COPB2: variants seen among roughly 807,000 people sequenced by gnomAD.
COPB2 encodes coat protein complex I subunit beta 2.
In COPB2, 16 loss-of-function variants were observed where a neutral mutation model predicts 120.8. That is an observed-to-expected ratio of 0.13 (90% CI 0.09 to 0.20). The LOEUF (loss-of-function observed/expected upper bound fraction) is 0.20. COPB2 is among the 10% of genes least tolerant of loss of function. The pLI, the probability that COPB2 is intolerant of heterozygous loss-of-function variation, is 1.00. For synonymous variants in COPB2, 332 were observed against 366.3 expected, an observed-to-expected ratio of 0.91 and a Z score of 1.07; for missense variants, 794 against 1,076.5, an observed-to-expected ratio of 0.74 and a Z score of 3.67.
Position 139,369,372 on chromosome 3 carries a change from A to T in COPB2, c.1295-5T>A, listed in dbSNP as rs1941581240. The T allele has an allele frequency of 6.2e-7, 1 of 1,611,556 alleles. No homozygotes were observed. Among genetic ancestry groups the T allele is most frequent in the Non-Finnish European group, 8.5e-7 (1 of 1,179,130 alleles). The stretch of plus-strand genomic sequence containing the variant: ...ATAAGAAGCCGCCGTAGATACCTAA[A>T]GGGAACATAAAAAGAGTTTTGCTTA... On this transcript the variant is annotated splice_region_variant and splice_polypyrimidine_tract_variant and intron_variant, in intron 11 of 21. Transcript: ENST00000333188.
chr3:139,383,600 CA>C lies in COPB2; in HGVS notation c.4-166del, dbSNP rs571280238. Among the ~76,000 whole-genome samples, 695 of 152,116 alleles carry C rather than the reference CA, an allele frequency of 4.6e-3. 5 individuals carry two copies. The highest frequency in any genetic ancestry group is 7.7e-3 in the Non-Finnish European group (526 of 67,964). On this transcript the variant is annotated intron_variant, in intron 1 of 21. Transcript: ENST00000333188. ...AGCACTTATTTCTTCATTTACACAT[CA>C]AAAAAATCAGAATATTCAACATTTT...
chr3:139,388,154 A>G (rs1941959692), intron 1 of COPB2: 1 of 152,212 alleles, frequency 6.6e-6, no homozygotes, highest in Non-Finnish European at 1.5e-5. Context: ...AAAAACGTCC[A>G]TTACTGCAAC....
At chr3:139,366,258 T>TTA (rs1553776880) in intron 15 of COPB2, among the ~76,000 whole-genome samples, 1 of 150,610 alleles carries the variant, frequency 6.6e-6, no homozygotes, top group East Asian at 1.9e-4. Context: ...CATTTTTTTT[T>TTA]AAAAAGCAGA....
intron 17 of COPB2, among the ~76,000 whole-genome samples, chr3:139,360,234 T>C (rs1941387090): frequency 6.7e-6 from 1 of 149,536 alleles, no homozygotes; most frequent in South Asian, 2.1e-4. Context: ...GGTTAAAGAA[T>C]ACTTTCGGGC....
chr3:139,389,405 A>G (rs997130768), intron 1 of COPB2, 143 bp downstream of exon 1: 1 of 1,181,352 alleles, frequency 8.5e-7, no homozygotes. Context: ...TCCTGGAATC[A>G]AACGACCAAG....
chr3:139,361,910 T>C (rs1941426303), intron 16 of COPB2, among the ~76,000 whole-genome samples: 1 of 152,236 alleles, frequency 6.6e-6, no homozygotes, highest in South Asian at 2.1e-4. Context: ...AGCTCAAACA[T>C]TTAGACCAGA....
intron 4 of COPB2, among the ~76,000 whole-genome samples, chr3:139,378,441 T>G (rs1181102471): frequency 6.6e-6 from 1 of 152,034 alleles, no homozygotes; most frequent in Non-Finnish European, 1.5e-5. Flanking sequence ...GTGAAAAAAC[T>G]TAAAAATTCA....
Position 139,361,116 on chromosome 3 carries a change from A to G in COPB2, c.2175T>C (p.Asn725=). The G allele has an allele frequency of 6.2e-7, 1 of 1,614,194 alleles. No homozygotes were observed. The highest frequency in any genetic ancestry group is 8.5e-7 in the Non-Finnish European group (1 of 1,180,046). Residue 725 remains asparagine (N), a synonymous_variant, in exon 17 of 22, where the codon AAT becomes AAC. Coordinates refer to ENST00000333188, the MANE Select transcript of COPB2 (RefSeq NM_004766.3). ...LAEGAERDGK[N]NVAFMSYFLQ... is the part of the protein sequence containing the mutation. ...AAAAGTAGCTCATGAATGCCACATT[A>G]TTTTTGCCATCTCTCTCCGCACCCT...
Position 139,379,808 on chromosome 3 carries a change from A to G in COPB2, c.142-342T>C, listed in dbSNP as rs886964160. 2.1e-5 allele frequency: 5 copies of G among 242,596 alleles called. No individual in the cohort carries two copies. The South Asian group carries it at 3.1e-4, about 15-fold the overall frequency. The allele number at this position is 242,596 out of a possible 1,614,324, so 15.0% of individuals were successfully genotyped here. ...TTGTCTCTGACTTGAAAATCCACCC[A>G]TGGAAACTTGTACTTCCCTTTCATA... On this transcript the variant is annotated intron_variant, in intron 2 of 21. Coordinates refer to ENST00000333188, the MANE Select transcript of COPB2 (RefSeq NM_004766.3).
intron 5 of COPB2, among the ~76,000 whole-genome samples, chr3:139,376,663 A>T (rs545197254): frequency 6.6e-6 from 1 of 152,252 alleles, no homozygotes; most frequent in Non-Finnish European, 1.5e-5. Context: ...AACTACTAAC[A>T]GTGTTTTATA....
Position 139,361,267 on chromosome 3 carries a change from T to C in COPB2, c.2024A>G (p.Glu675Gly), listed in dbSNP as rs1941413831. The C allele has an allele frequency of 6.2e-7, 1 of 1,614,230 alleles. No homozygotes were observed. The highest frequency in any genetic ancestry group is 2.2e-5 in the East Asian group (1 of 44,884). ...ESEQKWKQLA[E>G]LAISKCQFGL... is the part of the protein sequence containing the mutation. ...AAACTGACATTTACTAATGGCAAGT[T>C]CAGCAAGTTGTTTCCACTTCTGTTC... The change falls in exon 17 of 22, where the codon GAA becomes GGA. Residue 675 changes from glutamate to glycine, a missense_variant. Physicochemically the swap from Glu to Gly is moderately conservative, Grantham distance 98. Coordinates refer to ENST00000333188, the MANE Select transcript of COPB2 (RefSeq NM_004766.3).
chr3:139,389,401 A>T, intron 1 of COPB2, 147 bp downstream of exon 1: 13 of 1,146,376 alleles, frequency 1.1e-5, no homozygotes, highest in Non-Finnish European at 1.4e-5. Context: ...CCCTTCCTGG[A>T]ATCAAACGAC....
At chr3:139,380,865 A>T (rs1941797943) in intron 2 of COPB2, 1 of 152,246 alleles carries the variant, frequency 6.6e-6, no homozygotes, top group African/African-American at 2.4e-5. Flanking sequence ...AAAAATCCAC[A>T]AAAGCTCATG....
intron 15 of COPB2, among the ~76,000 whole-genome samples, chr3:139,366,114 A>G (rs9864740): frequency 0.89 from 136,001 of 152,192 alleles, 61,543 homozygotes; most frequent in East Asian, 0.97. Context: ...TAGGGAGTAG[A>G]AAGCAAAAAG....
rs200837686 is a variant in COPB2 at position 139,379,012 on chromosome 3, A to G, written c.355+35T>C. On this transcript the variant is annotated intron_variant, in intron 4 of 21. Transcript: ENST00000333188. ...CAGTGAATGAAAATGAATTACCCAA[A>G]GAGACGCACATGACCAAAAAAGGTC... 1.9e-6 allele frequency: 3 copies of G among 1,540,928 alleles called. No homozygotes were observed. In the African/African-American group the frequency reaches 4.2e-5, roughly 21 times the overall value.
chr3:139,371,802 T>C lies in COPB2; in HGVS notation c.1126A>G (p.Ile376Val), dbSNP rs1263754828. The C allele has an allele frequency of 6.2e-7, 1 of 1,613,760 alleles. No homozygotes were observed. Among genetic ancestry groups the C allele is most frequent in the Non-Finnish European group, 8.5e-7 (1 of 1,179,844 alleles). The stretch of plus-strand genomic sequence containing the variant: ...CTCAATGCCATTGCTGTGTAGATGA[T>C]ATACTCCCCATCACCACACACCACC... ...FVVVCGDGEY[I>V]IYTAMALRNK... Residue 376 changes from isoleucine to valine, a missense_variant, in exon 10 of 22, where the codon ATC becomes GTC. By Grantham distance (29) the Ile-to-Val change is conservative (BLOSUM62 3). Transcript: ENST00000333188.
At chr3:139,366,876 G>T in intron 14 of COPB2, 101 bp from the exon 15 acceptor site, 1 of 1,478,920 alleles carries the variant, frequency 6.8e-7, no homozygotes, top group Non-Finnish European at 9.3e-7. Context: ...CCATTTGATT[G>T]ACACAATTCT....
Position 139,383,345 on chromosome 3 carries a change from C to A in COPB2, c.94G>T (p.Ala32Ser). The change falls in exon 2 of 22, where the codon GCA becomes TCA. Residue 32 changes from alanine (A) to serine (S), a missense_variant. Around this residue, in one of 3 missense-constraint regions of COPB2, gnomAD observed 610 missense variants for 866.7 expected, o/e 0.70. Coordinates refer to ENST00000333188, the MANE Select transcript of COPB2 (RefSeq NM_004766.3). The stretch of plus-strand genomic sequence containing the variant: ...CACACACTGCCATTGTAAAGACTTG[C>A]CAACATCCATGGCTCTGTAGGATGC... The part of the protein sequence containing the change: ...DLHPTEPWML[A>S]SLYNGSVCVW... The A allele has an allele frequency of 2.5e-6, 4 of 1,613,846 alleles. No homozygotes were observed. The highest frequency in any genetic ancestry group is 2.2e-5 in the South Asian group (2 of 91,068).
At position 139,362,450 on chromosome 3, in the gene COPB2, A is replaced by T; in HGVS notation, c.1952T>A (p.Leu651His). ...PEHRFELALQ[L>H]GELKIAYQLA... ...CTGGTATGCAATTTTTAACTCTCCAAGCTGAAGAGCAAGCTCAAAACGATG... is the reference window on the plus strand; with the variant it reads ...CTGGTATGCAATTTTTAACTCTCCATGCTGAAGAGCAAGCTCAAAACGATG... The change falls in exon 16 of 22, where the codon CTT (leucine) becomes CAT (histidine). Residue 651 changes from leucine (L) to histidine (H), a missense_variant. Leu to His is a moderately conservative substitution (Grantham distance 99, BLOSUM62 -3). Coordinates refer to ENST00000333188, the MANE Select transcript of COPB2 (RefSeq NM_004766.3). 1 of 1,612,538 alleles carries T rather than the reference A, an allele frequency of 6.2e-7. No homozygotes were observed. The highest frequency in any genetic ancestry group is 2.2e-5 in the East Asian group (1 of 44,776).
Sources: allele counts gnomAD v4.1 joint callset (sites outside exome capture counted in the v4.1 genomes callset), GRCh38; gene constraint gnomAD v4.1.1; regional missense constraint gnomAD v4.1.1; transcripts MANE v1.5; gene names NCBI Gene and HGNC (gene_info 2026-07-23, HGNC 2026-07-21).